Variants in CACNA1A observed in about 807,000 individuals in gnomAD.
The protein encoded by CACNA1A is voltage-dependent P/Q-type calcium channel subunit alpha-1A.
Under a neutral mutation model 262.4 loss-of-function variants are expected in CACNA1A, and 57 were observed. That is an observed-to-expected ratio of 0.22 (90% CI 0.18 to 0.27). The LOEUF (loss-of-function observed/expected upper bound fraction) is 0.27, where lower values mean the gene tolerates loss of function less well. Among genes scored for constraint, CACNA1A ranks in the 10% least tolerant of loss-of-function variants. CACNA1A has a pLI of 1.00. For missense variants in CACNA1A, 2,526 were observed against 3,562.8 expected, an observed-to-expected ratio of 0.71 and a Z score of 7.41; for synonymous variants, 1,431 against 1,419.3, an observed-to-expected ratio of 1.01 and a Z score of -0.18.
rs1177067687 is a variant in CACNA1A at position 13,354,931 on chromosome 19, G to A, written c.978+4675C>T. On this transcript the variant is annotated intron_variant, in intron 6 of 46. Coordinates refer to ENST00000360228, the MANE Select transcript of CACNA1A (RefSeq NM_001127222.2). Reference sequence around the variant, plus strand: ...ATTCTGTCACCCAGGCTGGAGTGCAGTGGCATGATCTTGGCTCACTGCAAC... The same window carrying A: ...ATTCTGTCACCCAGGCTGGAGTGCAATGGCATGATCTTGGCTCACTGCAAC... Among the ~76,000 whole-genome samples, 4 of 146,700 alleles carry A rather than the reference G, an allele frequency of 2.7e-5. 1 individual carries two copies. Among genetic ancestry groups the A allele is most frequent in the Admixed American group, 1.4e-4 (2 of 14,268 alleles).
At chr19:13,345,323 C>G (rs1306898724) in intron 6 of CACNA1A, among the ~76,000 whole-genome samples, 1 of 152,150 alleles carries the variant, frequency 6.6e-6, no homozygotes, top group Non-Finnish European at 1.5e-5. Flanking sequence ...CTAGACCCGT[C>G]ATTCTGGCCT....
intron 3 of CACNA1A, among the ~76,000 whole-genome samples, chr19:13,431,723 C>T (rs1374785137): frequency 2.0e-5 from 3 of 152,020 alleles, no homozygotes; most frequent in African/African-American, 4.8e-5. Context: ...CCATCTTTTG[C>T]GACAACGTGC....
At chr19:13,310,991 C>T (rs1387713338) in intron 12 of CACNA1A, among the ~76,000 whole-genome samples, 16 of 152,052 alleles carry the variant, frequency 1.1e-4, no homozygotes, top group Non-Finnish European at 1.8e-4. Flanking sequence ...CGGGGTTTCG[C>T]CATGTTGGCC....
intron 3 of CACNA1A, among the ~76,000 whole-genome samples, chr19:13,416,597 C>G (rs919424344): frequency 5.3e-5 from 8 of 151,990 alleles, no homozygotes; most frequent in Admixed American, 3.3e-4. Context: ...GGGTGGATCA[C>G]AAGGTCAGGA....
intron 34 of CACNA1A, among the ~76,000 whole-genome samples, chr19:13,232,703 C>A (rs2055709604): frequency 6.7e-6 from 1 of 148,878 alleles, no homozygotes; most frequent in Non-Finnish European, 1.5e-5. Flanking sequence ...TGCACTCCAG[C>A]CTGGGTGACA....
At chr19:13,217,720 G>C (rs970104315) in intron 38 of CACNA1A, among the ~76,000 whole-genome samples, 19 of 152,110 alleles carry the variant, frequency 1.2e-4, no homozygotes, top group Non-Finnish European at 2.5e-4. Flanking sequence ...CCCTCAGGAA[G>C]GGAATCCAGT....
At chr19:13,478,674 C>G (rs1978872760) in intron 1 of CACNA1A, among the ~76,000 whole-genome samples, 1 of 152,180 alleles carries the variant, frequency 6.6e-6, no homozygotes, top group Non-Finnish European at 1.5e-5. Context: ...AAGTATTTCA[C>G]AGCAGCTTTG....
intron 6 of CACNA1A, among the ~76,000 whole-genome samples, chr19:13,345,895 CTTTTTTTTTT>C (rs55982966): frequency 2.0e-5 from 2 of 100,532 alleles, no homozygotes; most frequent in Admixed American, 1.2e-4. Context: ...TTCACGAAGT[CTTTTTTTTTT>C]TTTTTTTTTT....
In CACNA1A at chr19:13,330,332, A is replaced by G. The variant is rs1555766602; in HGVS notation, c.1257T>C (p.Ala419=). ...TDGEQRHPFD[A]LRRTTIKKSK... ...TTTTCTTTATGGTGGTTCTCCGCAGAGCTCCAACAATGGAAACATGGCAAG... is the reference window on the plus strand; with the variant it reads ...TTTTCTTTATGGTGGTTCTCCGCAGGGCTCCAACAATGGAAACATGGCAAG... The change falls in exon 10 of 47, where the codon GCT becomes GCC. Residue 419 remains alanine, a splice_region_variant and synonymous_variant. Transcript: ENST00000360228. The G allele has an allele frequency of 1.3e-6, 2 of 1,558,822 alleles. No homozygotes were observed. Among genetic ancestry groups the G allele is most frequent in the Non-Finnish European group, 1.7e-6 (2 of 1,150,184 alleles).
chr19:13,411,050 TA>T (rs1031364239), intron 3 of CACNA1A, among the ~76,000 whole-genome samples: 10 of 152,140 alleles, frequency 6.6e-5, no homozygotes, highest in Admixed American at 4.6e-4. Context: ...AGCTCTGACT[TA>T]CCTTTTTTGA....
rs2144955605 is a variant in CACNA1A at position 13,298,936 on chromosome 19, G to A, written c.2697C>T (p.Arg899=). 2 of 1,593,260 alleles carry A rather than the reference G, an allele frequency of 1.3e-6. No individual in the cohort carries two copies. The highest frequency in any genetic ancestry group is 2.2e-5 in the East Asian group (1 of 44,622). Residue 899 remains arginine (R), a synonymous_variant, in exon 19 of 47, where the codon CGC becomes CGT. Transcript: ENST00000360228. ...AELSREGPYG[R]ESDHHAREGS... ...CCTCCCGGGCGTGGTGGTCCGACTC[G>A]CGGCCGTAGGGTCCCTCCCGGCTCA...
Position 13,286,584 on chromosome 19 carries a change from T to C in CACNA1A, c.3472A>G (p.Lys1158Glu), listed in dbSNP as rs759275755. Residue 1158 changes from lysine (K) to glutamate (E), a missense_variant, in exon 20 of 47, where the codon AAG (lysine) becomes GAG (glutamate). Physicochemically the swap from Lys to Glu is moderately conservative, Grantham distance 56. Around this residue, in one of 17 missense-constraint regions of CACNA1A, gnomAD observed 765 missense variants for 748.6 expected, o/e 1.02. Transcript: ENST00000360228. ...GTGTGGTCGGGTTTCCTGGCAGTCT[T>C]AGCTGAATTGGTCTGGGTGCCGCTG... ...NPSGTQTNSA[K>E]TARKPDHTTV... 6.5e-7 allele frequency: 1 copy of C among 1,542,142 alleles called. No homozygotes were observed. Among genetic ancestry groups the C allele is most frequent in the Non-Finnish European group, 8.7e-7 (1 of 1,148,880 alleles).
chr19:13,238,484 TCTGA>T (rs754727063), intron 31 of CACNA1A, among the ~76,000 whole-genome samples: 103 of 152,140 alleles, frequency 6.8e-4, no homozygotes, highest in Non-Finnish European at 1.9e-4. Context: ...CACCTGCCTA[TCTGA>T]CTTATTTCGG....
intron 31 of CACNA1A, among the ~76,000 whole-genome samples, chr19:13,238,912 G>T (rs1319615854): frequency 1.3e-5 from 2 of 151,978 alleles, no homozygotes; most frequent in African/African-American, 2.4e-5. Flanking sequence ...AGCCAGACCC[G>T]ACTGCTCCCA....
intron 24 of CACNA1A, chr19:13,274,262 T>C (rs994254008): frequency 6.6e-6 from 1 of 152,238 alleles, no homozygotes; most frequent in African/African-American, 2.4e-5. Flanking sequence ...TTTTTTGTTC[T>C]AACACAACTT....
rs1057522802 is a variant in CACNA1A, at chr19:13,299,012, G to A, written c.2621C>T (p.Ser874Leu). 1.3e-6 allele frequency: 2 copies of A among 1,586,596 alleles called. No homozygotes were observed. The highest frequency in any genetic ancestry group is 1.3e-5 in the African/African-American group (1 of 74,712). Residue 874 changes from serine (S) to leucine (L), a missense_variant, in exon 19 of 47, where the codon TCG becomes TTG. Transcript: ENST00000360228. ...GGGCCTCCGTGCGTCCAGGCCCGCC[G>A]AGCCGCTGGGGTCCCGGGCCCGATC... Reference protein sequence around the residue: ...YHDRARDPSGSAGLDARRPWA... With the variant: ...YHDRARDPSGLAGLDARRPWA...
chr19:13,351,703 T>A (rs1437782052), intron 6 of CACNA1A, among the ~76,000 whole-genome samples: 1 of 151,970 alleles, frequency 6.6e-6, no homozygotes, highest in East Asian at 1.9e-4. Context: ...AGAGACGGGG[T>A]TTCACCCTGT....
chr19:13,209,851 T>C (rs942841542), intron 44 of CACNA1A, among the ~76,000 whole-genome samples: 1 of 152,074 alleles, frequency 6.6e-6, no homozygotes, highest in African/African-American at 2.4e-5. Context: ...GGAAGCCCTC[T>C]CCACATCCAG....
chr19:13,252,988 T>C lies in CACNA1A; in HGVS notation c.4866+3A>G. On this transcript the variant is annotated splice_donor_region_variant and intron_variant, in intron 30 of 46. Transcript: ENST00000360228. ...ATAGCTGTAGCCCCAAGGTGGTACT[T>C]ACCAGAATCCCAAAAGCCATGACTT... 1 of 1,598,956 alleles carries C rather than the reference T, an allele frequency of 6.3e-7. No homozygotes were observed. The highest frequency in any genetic ancestry group is 2.2e-5 in the East Asian group (1 of 44,784).
Sources: allele counts gnomAD v4.1 joint callset (sites outside exome capture counted in the v4.1 genomes callset), GRCh38; gene constraint gnomAD v4.1.1; regional missense constraint gnomAD v4.1.1; transcripts MANE v1.5; gene names NCBI Gene and HGNC (gene_info 2026-07-23, HGNC 2026-07-21).